THRB: variants seen among roughly 807,000 people sequenced by gnomAD.
THRB encodes nuclear receptor subfamily 1 group A member 2.
Under a neutral mutation model 47.8 loss-of-function variants are expected in THRB, and 12 were observed. The ratio of observed to expected loss-of-function variants is 0.25; its 90% CI spans 0.16 to 0.41. The LOEUF is 0.41. THRB is among the 10% of genes least tolerant of loss of function. The probability of loss-of-function intolerance (pLI) is 1.00; values close to 1 mark genes in which losing one functional copy is unlikely to be tolerated. For missense variants in THRB, 348 were observed against 589.2 expected (o/e 0.59, Z 4.24); for synonymous variants, 218 against 212.2 (o/e 1.03, Z -0.24).
chr3:24,176,208 T>A (rs948319805), intron 5 of THRB, among the ~76,000 whole-genome samples: 11 of 152,180 alleles, frequency 7.2e-5, no homozygotes, highest in African/African-American at 2.4e-4. Context: ...GAATTTCACA[T>A]AGCAACTCAT....
intron 3 of THRB, among the ~76,000 whole-genome samples, chr3:24,275,613 G>A (rs1030305300): frequency 5.3e-5 from 8 of 152,158 alleles, no homozygotes; most frequent in South Asian, 2.1e-4. Context: ...TCTGTTTCTT[G>A]TTAGATTCCA....
intron 5 of THRB, among the ~76,000 whole-genome samples, chr3:24,177,827 T>A (rs80138000): frequency 1.3e-5 from 2 of 152,364 alleles, no homozygotes; most frequent in African/African-American, 4.8e-5. Context: ...ATCAAGGTTA[T>A]CAAGACATAC....
rs536191900 is a variant in THRB at position 24,486,816 on chromosome 3, G to T, written c.-261+7836C>A. ...TTCCCTTGGTTCCTTTTTTTTTAAA[G>T]AAAAATAACACAAGACTAAACAACC... On this transcript the variant is annotated intron_variant, in intron 1 of 10. Coordinates refer to ENST00000646209, the MANE Select transcript of THRB (RefSeq NM_001354712.2). Among the ~76,000 whole-genome samples the T allele has an allele frequency of 2.6e-5, 4 of 151,822 alleles. No homozygotes were observed. In the South Asian group the frequency reaches 6.2e-4, roughly 24 times the overall value.
intron 10 of THRB, 68 bp downstream of exon 10, chr3:24,127,431 T>G: frequency 1.3e-6 from 2 of 1,550,726 alleles, no homozygotes; most frequent in Admixed American, 3.4e-5. Context: ...AAAACTCAAG[T>G]GATTGGAATT....
At chr3:24,453,528 A>C (rs562404643) in intron 1 of THRB, among the ~76,000 whole-genome samples, 2 of 152,272 alleles carry the variant, frequency 1.3e-5, no homozygotes, top group South Asian at 4.1e-4. Flanking sequence ...TGCTCACTCT[A>C]GCAACAGCAA....
chr3:24,279,673 G>A (rs1188532752), intron 3 of THRB, among the ~76,000 whole-genome samples: 1 of 151,942 alleles, frequency 6.6e-6, no homozygotes, highest in Non-Finnish European at 1.5e-5. Flanking sequence ...GGGATTACAG[G>A]CGTGAGCCAC....
In THRB at chr3:24,473,089, G is replaced by A. The variant is rs531357390; in HGVS notation, c.-261+21563C>T. ...CTGAGAGGATGAGTATTATAATTAA[G>A]AAACAGAGTAGACAATAAGGCAAAT... On this transcript the variant is annotated intron_variant, in intron 1 of 10. Coordinates refer to ENST00000646209, the MANE Select transcript of THRB (RefSeq NM_001354712.2). Among the ~76,000 whole-genome samples the A allele has an allele frequency of 7.2e-5, 11 of 152,142 alleles. 1 individual carries two copies. The South Asian group carries it at 2.3e-3, about 32-fold the overall frequency.
intron 7 of THRB, 124 bp downstream of exon 7, chr3:24,146,551 G>C (rs776735074): frequency 3.8e-6 from 4 of 1,050,562 alleles, no homozygotes; most frequent in Non-Finnish European, 5.8e-6. Context: ...GTATGCGAAA[G>C]TAAGGTATTC....
chr3:24,130,184 T>C (rs1400494795), intron 9 of THRB, among the ~76,000 whole-genome samples: 12 of 152,192 alleles, frequency 7.9e-5, no homozygotes, highest in Non-Finnish European at 5.9e-5. Context: ...TCTTTTGTAA[T>C]TGGCAGACCA....
chr3:24,392,211 T>C (rs982028152), intron 1 of THRB, among the ~76,000 whole-genome samples: 1 of 152,202 alleles, frequency 6.6e-6, no homozygotes, highest in South Asian at 2.1e-4. Context: ...TTGGCTATTT[T>C]TTTCCCAGAT....
intron 1 of THRB, among the ~76,000 whole-genome samples, chr3:24,385,814 AAATCATCACGCATG>A (rs1463010984): frequency 6.6e-6 from 1 of 152,104 alleles, no homozygotes; most frequent in Non-Finnish European, 1.5e-5. Flanking sequence ...ATTTCCAGAT[AAATCATCACGCATG>A]AATCCTGCCC....
At chr3:24,186,499 T>C (rs1004496130) in intron 5 of THRB, among the ~76,000 whole-genome samples, 4 of 152,162 alleles carry the variant, frequency 2.6e-5, no homozygotes, top group Non-Finnish European at 5.9e-5. Context: ...AAATAGCCTC[T>C]GATACTCCAG....
At chr3:24,186,964 A>G (rs2042667901) in intron 5 of THRB, among the ~76,000 whole-genome samples, 2 of 150,380 alleles carry the variant, frequency 1.3e-5, no homozygotes, top group African/African-American at 5.0e-5. Context: ...AAAAAAAAAA[A>G]AAAGCAGTAT....
intron 1 of THRB, among the ~76,000 whole-genome samples, chr3:24,428,521 T>G (rs2070010748): frequency 6.6e-6 from 1 of 152,060 alleles, no homozygotes; most frequent in Non-Finnish European, 1.5e-5. Context: ...AGGTTCAGTT[T>G]CACCAGGTGG....
chr3:24,348,086 CAA>C (rs1260703811), intron 1 of THRB, among the ~76,000 whole-genome samples: 1 of 152,034 alleles, frequency 6.6e-6, no homozygotes, highest in African/African-American at 2.4e-5. Flanking sequence ...AAAAAGTAAA[CAA>C]AGTGTTAGCA....
At chr3:24,316,643 T>C (rs1321847587) in intron 2 of THRB, among the ~76,000 whole-genome samples, 1 of 152,068 alleles carries the variant, frequency 6.6e-6, no homozygotes, top group African/African-American at 2.4e-5. Context: ...CTCCAGAGGG[T>C]GGTTTATCAA....
Position 24,210,610 on chromosome 3 carries a change from C to T in THRB, c.22+18328G>A, listed in dbSNP as rs540957553. ...TGTCAACAGTGCTGAGACTGAGAAA[C>T]TGTGAGGTTAGTGAGTTTCCAATGC... On this transcript the variant is annotated intron_variant, in intron 4 of 10. Transcript: ENST00000646209. Among the ~76,000 whole-genome samples, 4 of 152,140 alleles carry T rather than the reference C, an allele frequency of 2.6e-5. No homozygotes were observed. In the East Asian group the frequency reaches 7.7e-4, roughly 29 times the overall value.
At chr3:24,269,304 CACACACACACACACACACG>C (rs2053006090) in intron 3 of THRB, among the ~76,000 whole-genome samples, 1 of 121,216 alleles carries the variant, frequency 8.2e-6, no homozygotes, top group African/African-American at 3.1e-5. Context: ...CACACACACA[CACACACACACACACACACG>C]TTATCTTTGC....
At chr3:24,402,499 C>CTT (rs60751951) in intron 1 of THRB, among the ~76,000 whole-genome samples, 3,447 of 134,762 alleles carry the variant, frequency 0.026, 134 homozygotes, top group African/African-American at 0.075. Context: ...TTCTTTCTTC[C>CTT]TTTTTTTTTT....
Sources: allele counts gnomAD v4.1 joint callset (sites outside exome capture counted in the v4.1 genomes callset), GRCh38; gene constraint gnomAD v4.1.1; transcripts MANE v1.5; gene names NCBI Gene and HGNC (gene_info 2026-07-23, HGNC 2026-07-21).